SMOC1: variants seen among roughly 807,000 people sequenced by gnomAD.
SMOC1 encodes SPARC-related modular calcium-binding protein 1.
SMOC1 carries 22 observed loss-of-function variants against 56.3 expected under a neutral mutation model. The observed-to-expected ratio is 0.39, with a 90% confidence interval of 0.28 to 0.56. The LOEUF (loss-of-function observed/expected upper bound fraction) is 0.56. Among genes scored for constraint, SMOC1 ranks in the 20% least tolerant of loss-of-function variants. The pLI is 0.61. For missense variants in SMOC1, 509 were observed against 565.4 expected, an observed-to-expected ratio of 0.90 and a Z score of 1.01; for synonymous variants, 193 against 215.0, an observed-to-expected ratio of 0.90 and a Z score of 0.89.
intron 1 of SMOC1, 63 bp downstream of exon 1, chr14:69,879,840 C>G (rs1378452781): frequency 1.4e-6 from 2 of 1,383,582 alleles, no homozygotes; most frequent in East Asian, 5.5e-5. Context: ...CCCCCCTCAT[C>G]CCTGAGGGAA....
chr14:69,942,108 A>G (rs1262036493), intron 1 of SMOC1, among the ~76,000 whole-genome samples: 1 of 151,680 alleles, frequency 6.6e-6, no homozygotes. Context: ...CTGGCATCCC[A>G]TTTTCCCATA....
intron 1 of SMOC1, among the ~76,000 whole-genome samples, chr14:69,920,770 G>C (rs1884818888): frequency 6.6e-6 from 1 of 152,208 alleles, no homozygotes; most frequent in African/African-American, 2.4e-5. Flanking sequence ...TGGAAGGTCA[G>C]AGAGGGCTGG....
chr14:69,933,804 C>T (rs918779902), intron 1 of SMOC1, among the ~76,000 whole-genome samples: 3 of 152,190 alleles, frequency 2.0e-5, no homozygotes, highest in African/African-American at 7.2e-5. Flanking sequence ...AGGCATGAGC[C>T]ATCGCGCCTG....
chr14:69,956,626 T>C (rs567541935), intron 3 of SMOC1, among the ~76,000 whole-genome samples: 5 of 152,150 alleles, frequency 3.3e-5, no homozygotes, highest in South Asian at 4.2e-4. Flanking sequence ...TCTAATGGGA[T>C]TGGATTTGTC....
intron 1 of SMOC1, among the ~76,000 whole-genome samples, chr14:69,910,133 T>C (rs7145070): frequency 0.13 from 19,055 of 152,240 alleles, 1,638 homozygotes; most frequent in African/African-American, 0.24. Flanking sequence ...ATGATGAACA[T>C]GTTTTATGGA....
chr14:69,999,948 T>C (rs527333415), intron 7 of SMOC1, among the ~76,000 whole-genome samples: 1 of 151,926 alleles, frequency 6.6e-6, no homozygotes, highest in African/African-American at 2.4e-5. Flanking sequence ...TCTGTTTCTG[T>C]TTCTGGAGGT....
intron 1 of SMOC1, among the ~76,000 whole-genome samples, chr14:69,902,422 G>C (rs1594793382): frequency 6.6e-6 from 1 of 152,116 alleles, no homozygotes; most frequent in African/African-American, 2.4e-5. Context: ...ATTAAGAGAT[G>C]GGGTCTATTT....
At chr14:70,023,825 GTGTA>G (rs895574659) in intron 11 of SMOC1, among the ~76,000 whole-genome samples, 7 of 144,460 alleles carry the variant, frequency 4.8e-5, no homozygotes, top group Non-Finnish European at 1.1e-4. Context: ...GTGTGAGTGT[GTGTA>G]TGTGTGTGTG....
At chr14:69,961,461 A>G (rs965152309) in intron 3 of SMOC1, among the ~76,000 whole-genome samples, 2 of 151,166 alleles carry the variant, frequency 1.3e-5, no homozygotes, top group African/African-American at 2.4e-5. Context: ...ACTCACTACA[A>G]CCTCCACCTC....
chr14:69,910,107 G>T (rs1465744936), intron 1 of SMOC1, among the ~76,000 whole-genome samples: 7 of 152,140 alleles, frequency 4.6e-5, no homozygotes, highest in African/African-American at 1.7e-4. Context: ...ATTACTTAGG[G>T]GAAAAAAGAT....
At chr14:70,006,583 A>G (rs1198219057) in intron 7 of SMOC1, among the ~76,000 whole-genome samples, 2 of 152,232 alleles carry the variant, frequency 1.3e-5, no homozygotes, top group African/African-American at 4.8e-5. Flanking sequence ...TAGATGTTTC[A>G]GTTATCTGCT....
chr14:69,978,014 C>A (rs771472042), intron 5 of SMOC1, 49 bp downstream of exon 5: 75 of 1,511,744 alleles, frequency 5.0e-5, no homozygotes, highest in Non-Finnish European at 2.9e-5. Flanking sequence ...CAAAGGTGGT[C>A]CAAGCAGGAT....
chr14:69,966,471 C>T (rs1269534515), intron 3 of SMOC1, among the ~76,000 whole-genome samples: 1 of 152,180 alleles, frequency 6.6e-6, no homozygotes, highest in East Asian at 1.9e-4. Context: ...TATAAATCTC[C>T]TCCCTACTCT....
chr14:69,890,369 C>A (rs1883927649), intron 1 of SMOC1, among the ~76,000 whole-genome samples: 2 of 151,850 alleles, frequency 1.3e-5, no homozygotes, highest in South Asian at 4.2e-4. Context: ...CCCATTTAGG[C>A]AAAAAAGAAA....
chr14:69,984,811 C>T (rs1350104403), intron 5 of SMOC1, among the ~76,000 whole-genome samples: 3 of 150,672 alleles, frequency 2.0e-5, no homozygotes, highest in South Asian at 2.1e-4. Context: ...GAGCCGAGAT[C>T]GCGCCACTGC....
intron 7 of SMOC1, among the ~76,000 whole-genome samples, chr14:70,003,233 T>G (rs1201862735): frequency 6.6e-6 from 1 of 152,244 alleles, no homozygotes; most frequent in African/African-American, 2.4e-5. Flanking sequence ...TCAGGGTCAC[T>G]GTAGGTGATA....
intron 1 of SMOC1, among the ~76,000 whole-genome samples, chr14:69,943,118 T>A (rs768460486): frequency 1.1e-4 from 16 of 152,170 alleles, no homozygotes; most frequent in Non-Finnish European, 1.5e-4. Flanking sequence ...AGGCCTCTCC[T>A]GGCTAAAACA....
At chr14:69,969,570 C>G (rs569631065) in intron 3 of SMOC1, among the ~76,000 whole-genome samples, 1 of 152,094 alleles carries the variant, frequency 6.6e-6, no homozygotes, top group Admixed American at 6.5e-5. Flanking sequence ...CATGAGAAAC[C>G]CAGCCCGATG....
chr14:69,900,711 T>C (rs1272757741), intron 1 of SMOC1, among the ~76,000 whole-genome samples: 1 of 152,228 alleles, frequency 6.6e-6, no homozygotes, highest in Non-Finnish European at 1.5e-5. Context: ...TGTTCTTGCC[T>C]ATCCCCAACA....
Sources: gnomAD v4.1 joint callset for allele counts (sites outside exome capture counted in the v4.1 genomes callset) on GRCh38, gnomAD v4.1.1 for gene constraint, MANE v1.5 for transcripts, NCBI Gene and HGNC (gene_info 2026-07-23, HGNC 2026-07-21) for gene names.